The following RASA2 variants were observed in gnomAD, a reference collection of about 807,000 sequenced individuals.
RASA2 encodes RAS p21 protein activator 2, also known as ras GTPase-activating protein 2.
A neutral mutation model predicts 118.2 loss-of-function variants in RASA2; 155 were observed. The observed-to-expected ratio is 1.31, with a 90% CI of 1.15 to 1.50. The LOEUF is 1.50. RASA2 is among the 40% of genes most tolerant of loss of function. The pLI, the probability that RASA2 is intolerant of heterozygous loss-of-function variation, is 0.00. For missense variants in RASA2, 1,016 were observed against 1,009.6 expected (o/e 1.01, Z -0.09); for synonymous variants, 353 against 349.1 (o/e 1.01, Z -0.12).
chr3:141,612,941 C>A lies in RASA2; in HGVS notation c.*628C>A, dbSNP rs764118059. On this transcript the variant is annotated 3_prime_UTR_variant, in exon 24 of 24. Transcript: ENST00000286364. ...AAACAAAACTCAAGACAGAAGGAATCAGGGAATATGTGCTATTGTGTGCAT... is the reference window on the plus strand; with the variant it reads ...AAACAAAACTCAAGACAGAAGGAATAAGGGAATATGTGCTATTGTGTGCAT... The A allele has an allele frequency of 1.3e-5, 2 of 152,236 alleles. No homozygotes were observed. Among genetic ancestry groups the A allele is most frequent in the Non-Finnish European group, 2.9e-5 (2 of 68,066 alleles). The allele number at this position is 152,236 out of a possible 1,614,324, so 9.4% of individuals were successfully genotyped here.
chr3:141,614,645 A>G lies in RASA2; in HGVS notation c.*2332A>G, dbSNP rs1478856199. 1 of 152,212 alleles carries G rather than the reference A, an allele frequency of 6.6e-6. No individual in the cohort carries two copies. The highest frequency in any genetic ancestry group is 1.5e-5 in the Non-Finnish European group (1 of 68,026). The allele number at this position is 152,212 out of a possible 1,614,324, so 9.4% of individuals were successfully genotyped here. Reference sequence around the variant, plus strand: ...AAATGCCGGTTCTGGTTCTTAGTTTAGCCATTTCCATCAGTTGAAATTGTG... The same window carrying G: ...AAATGCCGGTTCTGGTTCTTAGTTTGGCCATTTCCATCAGTTGAAATTGTG... On this transcript the variant is annotated 3_prime_UTR_variant, in exon 24 of 24. Transcript: ENST00000286364.
At chr3:141,522,600 T>TG (rs2082127978) in intron 3 of RASA2, among the ~76,000 whole-genome samples, 1 of 152,178 alleles carries the variant, frequency 6.6e-6, no homozygotes, top group African/African-American at 2.4e-5. Flanking sequence ...GGTGGCACCT[T>TG]GGCCTCTGGT....
chr3:141,524,735 C>T (rs1254970540), intron 3 of RASA2, among the ~76,000 whole-genome samples: 3 of 152,034 alleles, frequency 2.0e-5, no homozygotes, highest in African/African-American at 4.8e-5. Flanking sequence ...GGACTACAGG[C>T]GCACACTGCC....
intron 2 of RASA2, among the ~76,000 whole-genome samples, chr3:141,516,060 G>T (rs1490669982): frequency 8.4e-6 from 1 of 118,888 alleles, no homozygotes; most frequent in Non-Finnish European, 1.7e-5. Context: ...GTGGGGTGGG[G>T]GGAGGGGGGA....
intron 19 of RASA2, among the ~76,000 whole-genome samples, chr3:141,603,041 G>A (rs1017964114): frequency 6.6e-6 from 1 of 152,146 alleles, no homozygotes; most frequent in African/African-American, 2.4e-5. Flanking sequence ...ACACCCCCAG[G>A]TAGGAAGACC....
chr3:141,500,082 A>G (rs1241576800), intron 1 of RASA2, among the ~76,000 whole-genome samples: 1 of 152,172 alleles, frequency 6.6e-6, no homozygotes, highest in East Asian at 1.9e-4. Context: ...TATTGGTACT[A>G]TTTCTCATTC....
intron 8 of RASA2, among the ~76,000 whole-genome samples, chr3:141,559,585 C>A (rs192737989): frequency 4.2e-4 from 64 of 152,078 alleles, no homozygotes; most frequent in African/African-American, 1.5e-3. Context: ...AAACTGTAGT[C>A]TTATTGTAGT....
At position 141,570,952 on chromosome 3, in the gene RASA2, A is replaced by C; in HGVS notation, c.904A>C (p.Lys302Gln). Residue 302 changes from lysine to glutamine, a missense_variant, in exon 10 of 24, where the codon AAA becomes CAA. Around this residue, in one of 2 missense-constraint regions of RASA2, gnomAD observed 896 missense variants for 836.4 expected, o/e 1.07. Transcript: ENST00000286364. ...AAGAGACAATGGAAACAAGTCATCCAAAACTGATGACCTGGGGTCTCTTCG... is the reference window on the plus strand; with the variant it reads ...AAGAGACAATGGAAACAAGTCATCCCAAACTGATGACCTGGGGTCTCTTCG... ...QPRDNGNKSSKTDDLGSLRLN... is the reference protein window; with the variant it reads ...QPRDNGNKSSQTDDLGSLRLN... 6.2e-7 allele frequency: 1 copy of C among 1,611,180 alleles called. No individual in the cohort carries two copies. Among genetic ancestry groups the C allele is most frequent in the South Asian group, 1.1e-5 (1 of 90,458 alleles).
In RASA2 at chr3:141,567,408, C is replaced by CT. The variant is rs1307429878; in HGVS notation, c.864-3503dup. Among the ~76,000 whole-genome samples, 5 of 152,108 alleles carry CT rather than the reference C, an allele frequency of 3.3e-5. No individual in the cohort carries two copies. In the South Asian group the frequency reaches 1.0e-3, roughly 32 times the overall value. ...CCAGCCTGGGTGACAGAGTGAGACT[C>CT]TGTCTCAAATAATAATAATAATAAT... On this transcript the variant is annotated intron_variant, in intron 9 of 23. Transcript: ENST00000286364.
chr3:141,529,714 T>C lies in RASA2; in HGVS notation c.362T>C (p.Val121Ala). Reference protein sequence around the residue: ...VLQRDLRIGKVAIKKEDLCNH... With the variant: ...VLQRDLRIGKAAIKKEDLCNH... ...TTTTACTTATTTTCTGTAGGAAAAG[T>C]AGCCATCAAAAAAGAAGACTTGTGT... The change falls in exon 4 of 24, where the codon GTA (valine) becomes GCA (alanine). Residue 121 changes from valine (V) to alanine (A), a missense_variant. Physicochemically the swap from Val to Ala is moderately conservative, Grantham distance 64. Around this residue, in one of 2 missense-constraint regions of RASA2, gnomAD observed 896 missense variants for 836.4 expected, o/e 1.07. Transcript: ENST00000286364. The C allele has an allele frequency of 1.9e-6, 3 of 1,608,820 alleles. No homozygotes were observed. Among genetic ancestry groups the C allele is most frequent in the Non-Finnish European group, 2.6e-6 (3 of 1,175,936 alleles).
intron 15 of RASA2, 111 bp from the exon 16 acceptor site, chr3:141,580,257 G>A (rs926632045): frequency 5.4e-5 from 41 of 762,216 alleles, no homozygotes; most frequent in Non-Finnish European, 7.6e-5. Context: ...TGTTTTGAAC[G>A]TTTTTGAGTC....
chr3:141,613,490 A>G lies in RASA2; in HGVS notation c.*1177A>G, dbSNP rs1209929577. On this transcript the variant is annotated 3_prime_UTR_variant, in exon 24 of 24. Transcript: ENST00000286364. ...TAACTGTAAATAAGCAGTCGAAGCA[A>G]GTTGCCACCTTGAAGTTGAGGGATA... 6.6e-6 allele frequency: 1 copy of G among 152,210 alleles called. No homozygotes were observed. The highest frequency in any genetic ancestry group is 1.5e-5 in the Non-Finnish European group (1 of 68,030). 9.4% of individuals were successfully genotyped at this position (152,210 alleles called of 1,614,324 possible). A position where few individuals can be genotyped will look rare whatever the true frequency, so the allele number is the denominator to read the frequency against.
At position 141,584,990 on chromosome 3, in the gene RASA2, A is replaced by C. The variant is rs184737527; in HGVS notation, c.1753-1035A>C. Among the ~76,000 whole-genome samples, 730 of 152,240 alleles carry C rather than the reference A, an allele frequency of 4.8e-3. 8 individuals are homozygous for C. Among genetic ancestry groups the C allele is most frequent in the African/African-American group, 0.017 (693 of 41,542 alleles). On this transcript the variant is annotated intron_variant, in intron 17 of 23. Coordinates refer to ENST00000286364, the MANE Select transcript of RASA2 (RefSeq NM_006506.5). Reference sequence around the variant, plus strand: ...CCTTTGAATATCCTGTTGGCACTCAAAAAGTTTTGGGTTTTGGAACATTTG... The same window carrying C: ...CCTTTGAATATCCTGTTGGCACTCACAAAGTTTTGGGTTTTGGAACATTTG...
intron 1 of RASA2, among the ~76,000 whole-genome samples, chr3:141,494,658 C>T (rs1044686194): frequency 5.3e-5 from 8 of 152,144 alleles, no homozygotes; most frequent in Non-Finnish European, 1.2e-4. Context: ...TGAACCACTG[C>T]GCCTGGCCCT....
intron 3 of RASA2, among the ~76,000 whole-genome samples, chr3:141,517,714 C>T (rs921681084): frequency 1.5e-4 from 23 of 152,156 alleles, no homozygotes; most frequent in African/African-American, 5.3e-4. Context: ...AGTTCAGTGG[C>T]GCGATCTCAG....
chr3:141,545,211 A>C (rs2082466732), intron 5 of RASA2, among the ~76,000 whole-genome samples: 2 of 152,132 alleles, frequency 1.3e-5, no homozygotes, highest in South Asian at 4.1e-4. Flanking sequence ...TAATCATAAC[A>C]ATCATGTCAT....
chr3:141,512,340 A>C, intron 2 of RASA2, 60 bp downstream of exon 2: 2 of 1,153,666 alleles, frequency 1.7e-6, no homozygotes. Flanking sequence ...AATATTATGC[A>C]TTTTCCAGAT....
At position 141,555,749 on chromosome 3, in the gene RASA2, A is replaced by G. The variant is rs776078030; in HGVS notation, c.612-91A>G. 26 of 1,066,178 alleles carry G rather than the reference A, an allele frequency of 2.4e-5. No homozygotes were observed. In the South Asian group the frequency reaches 3.2e-4, roughly 13 times the overall value. 66.0% of individuals were successfully genotyped at this position (1,066,178 alleles called of 1,614,324 possible). ...TTCCCTGAGTCACCTTAACTTTTAA[A>G]TGGAGGTCAGGCTCCCTGGTTGGAA... On this transcript the variant is annotated intron_variant, in intron 6 of 23. Transcript: ENST00000286364.
chr3:141,533,818 A>G (rs1338884734), intron 4 of RASA2, among the ~76,000 whole-genome samples: 1 of 151,910 alleles, frequency 6.6e-6, no homozygotes, highest in African/African-American at 2.4e-5. Flanking sequence ...TTTTTCCTCA[A>G]CCTATTCTAA....
Sources: allele counts gnomAD v4.1 joint callset (sites outside exome capture counted in the v4.1 genomes callset), GRCh38; gene constraint gnomAD v4.1.1; regional missense constraint gnomAD v4.1.1; transcripts MANE v1.5; gene names NCBI Gene and HGNC (gene_info 2026-07-23, HGNC 2026-07-21).